Variants in IQSEC3 observed in about 807,000 individuals in gnomAD.
The protein encoded by IQSEC3 is IQ motif and Sec7 domain ArfGEF 3, also known as IQ motif and SEC7 domain-containing protein 3.
In IQSEC3, 50 loss-of-function variants were observed where a neutral mutation model predicts 105.4. The observed-to-expected ratio is 0.47, with a 90% confidence interval of 0.38 to 0.60. IQSEC3 has a LOEUF of 0.60. Ranked by LOEUF, IQSEC3 falls within the 20% of genes least tolerant of loss-of-function variation. The pLI is 0.00. For synonymous variants in IQSEC3, 708 were observed against 746.0 expected (o/e 0.95, Z 0.83); for missense variants, 1,415 against 1,630.0 (o/e 0.87, Z 2.27).
Position 176,029 on chromosome 12 carries a change from GTGGCCTC to G in IQSEC3, c.*997_*1003del, listed in dbSNP as rs1322485526. ...GCAGGGCTCCCTCCTGCATGAGTCT[GTGGCCTC>G]CAGGAGGGACTTGGGTGCAGATGTA... On this transcript the variant is annotated 3_prime_UTR_variant, in exon 14 of 14. Transcript: ENST00000538872. The surrounding 1 kb of genome is among the most constrained non-coding windows in gnomAD (Gnocchi z 4.0). 5 of 152,234 alleles carry G rather than the reference GTGGCCTC, an allele frequency of 3.3e-5. No homozygotes were observed. Among genetic ancestry groups the G allele is most frequent in the African/African-American group, 1.2e-4 (5 of 41,440 alleles). The allele number at this position is 152,234 out of a possible 1,614,324, so 9.4% of individuals were successfully genotyped here. A position where few individuals can be genotyped will look rare whatever the true frequency, so the allele number is the denominator to read the frequency against.
intron 1 of IQSEC3, among the ~76,000 whole-genome samples, chr12:69,608 C>A (rs1863231219): frequency 6.6e-6 from 1 of 152,282 alleles, no homozygotes; most frequent in Admixed American, 6.5e-5. Context: ...CTCCCCAATC[C>A]TGCACACTCA....
At chr12:142,904 C>G (rs556864797) in intron 5 of IQSEC3, among the ~76,000 whole-genome samples, 1 of 152,200 alleles carries the variant, frequency 6.6e-6, no homozygotes, top group African/African-American at 2.4e-5. Flanking sequence ...GTGCTGGCCC[C>G]GTAGCCCCAG....
At position 175,269 on chromosome 12, in the gene IQSEC3, A is replaced by C; in HGVS notation, c.*236A>C. ...ACACCTCACTCTCCCAGGGCCCTACACAGCCAGACCCGGCGAGGCCTCCTC... is the reference window on the plus strand; with the variant it reads ...ACACCTCACTCTCCCAGGGCCCTACCCAGCCAGACCCGGCGAGGCCTCCTC... On this transcript the variant is annotated 3_prime_UTR_variant, in exon 14 of 14. Transcript: ENST00000538872. The C allele has an allele frequency of 6.4e-6, 3 of 466,728 alleles. No homozygotes were observed. The highest frequency in any genetic ancestry group is 7.5e-6 in the Non-Finnish European group (2 of 265,860). The allele number at this position is 466,728 out of a possible 1,614,324, so 28.9% of individuals were successfully genotyped here.
intron 1 of IQSEC3, among the ~76,000 whole-genome samples, chr12:76,158 C>T (rs3894704): frequency 5.5e-4 from 83 of 151,846 alleles, no homozygotes; most frequent in African/African-American, 1.9e-3. Context: ...GAGTGAGAAA[C>T]GGGCAATGGG....
At chr12:147,299 A>T (rs1866316175) in intron 5 of IQSEC3, among the ~76,000 whole-genome samples, 1 of 152,208 alleles carries the variant, frequency 6.6e-6, no homozygotes, top group African/African-American at 2.4e-5. Flanking sequence ...ATGCCAGCTC[A>T]CACAGATCAG....
intron 5 of IQSEC3, among the ~76,000 whole-genome samples, chr12:147,350 A>G (rs1469858566): frequency 6.6e-6 from 1 of 152,220 alleles, no homozygotes; most frequent in Non-Finnish European, 1.5e-5. Context: ...AGAGGCTTAC[A>G]TGCAAAACCT....
intron 5 of IQSEC3, among the ~76,000 whole-genome samples, chr12:151,752 C>T (rs1228396871): frequency 6.6e-6 from 1 of 152,142 alleles, no homozygotes; most frequent in Non-Finnish European, 1.5e-5. Context: ...TTACTGTCTG[C>T]ACTGCAACCT....
At chr12:141,668 G>A (rs1866034447) in intron 5 of IQSEC3, 1 of 220,042 alleles carries the variant, frequency 4.5e-6, no homozygotes, top group African/African-American at 2.3e-5. Flanking sequence ...CCTCCCCCAG[G>A]ACCCTCCCAT....
intron 1 of IQSEC3, among the ~76,000 whole-genome samples, chr12:73,037 C>G (rs1477376679): frequency 7.5e-6 from 1 of 132,512 alleles, no homozygotes; most frequent in African/African-American, 2.9e-5. Context: ...CAGAGCGACA[C>G]TCTGCCTAAA....
intron 1 of IQSEC3, among the ~76,000 whole-genome samples, chr12:83,057 G>A (rs1863798276): frequency 6.6e-6 from 1 of 152,138 alleles, no homozygotes; most frequent in South Asian, 2.1e-4. Context: ...ACTTATCGTC[G>A]CATACACCAG....
rs2137078393 is a variant in IQSEC3 at position 175,461 on chromosome 12, C to T, written c.*428C>T. On this transcript the variant is annotated 3_prime_UTR_variant, in exon 14 of 14. Transcript: ENST00000538872. ...GTGGAGCACTAGACAGAGTGGCTGG[C>T]TCGCAGCCCAGAACTAGTGCCTCTG... 6.0e-6 allele frequency: 1 copy of T among 165,756 alleles called. No homozygotes were observed. Among genetic ancestry groups the T allele is most frequent in the East Asian group, 1.8e-4 (1 of 5,702 alleles). 10.3% of individuals were successfully genotyped at this position (165,756 alleles called of 1,614,324 possible).
intron 1 of IQSEC3, among the ~76,000 whole-genome samples, chr12:92,041 T>G (rs1864103500): frequency 6.6e-6 from 1 of 152,050 alleles, no homozygotes; most frequent in African/African-American, 2.4e-5. Context: ...CCCCAACACA[T>G]AAAAACCTCA....
At position 175,310 on chromosome 12, in the gene IQSEC3, C is replaced by A. The variant is rs1023466048; in HGVS notation, c.*277C>A. 6.3e-4 allele frequency: 279 copies of A among 440,944 alleles called. No individual in the cohort carries two copies. The highest frequency in any genetic ancestry group is 6.0e-4 in the Non-Finnish European group (150 of 249,614). 27.3% of individuals were successfully genotyped at this position (440,944 alleles called of 1,614,324 possible). A position where few individuals can be genotyped will look rare whatever the true frequency, so the allele number is the denominator to read the frequency against. On this transcript the variant is annotated 3_prime_UTR_variant, in exon 14 of 14. Transcript: ENST00000538872. Reference sequence around the variant, plus strand: ...AGGCCTCCTCTTCCCCTGGCCACCACTTTCCCCCATTGGACCATGGACTGA... The same window carrying A: ...AGGCCTCCTCTTCCCCTGGCCACCAATTTCCCCCATTGGACCATGGACTGA...
At chr12:116,767 C>A (rs1591673526) in intron 2 of IQSEC3, among the ~76,000 whole-genome samples, 1 of 152,166 alleles carries the variant, frequency 6.6e-6, no homozygotes. Context: ...CTGAGGCTCC[C>A]ACGAGGATGG....
At chr12:156,622 A>C (rs1866696296) in intron 5 of IQSEC3, among the ~76,000 whole-genome samples, 2 of 152,216 alleles carry the variant, frequency 1.3e-5, no homozygotes, top group Non-Finnish European at 2.9e-5. Context: ...GAGAAAGTGA[A>C]ATTTAAACCT....
At position 139,103 on chromosome 12, in the gene IQSEC3, G is replaced by A. The variant is rs538760662; in HGVS notation, c.1740G>A (p.Thr580=). 3 of 1,502,964 alleles carry A rather than the reference G, an allele frequency of 2.0e-6. No individual in the cohort carries two copies. The highest frequency in any genetic ancestry group is 1.4e-5 in the African/African-American group (1 of 71,990). The allele number at this position is 1,502,964 out of a possible 1,614,324, so 93.1% of individuals were successfully genotyped here. A position where few individuals can be genotyped will look rare whatever the true frequency, so the allele number is the denominator to read the frequency against. ...AGGAGGAAGAGGAGGAGGAGGAGAC[G>A]GCGGAGGTGGGGAGAGGGGCCGAGG... ...KTEEEEEEEE[T]AEVGRGAEAE... The change falls in exon 4 of 14, where the codon ACG becomes ACA. Residue 580 remains threonine, a synonymous_variant. Coordinates refer to ENST00000538872, the MANE Select transcript of IQSEC3 (RefSeq NM_001170738.2).
intron 1 of IQSEC3, among the ~76,000 whole-genome samples, chr12:83,918 A>G (rs1555071371): frequency 6.6e-6 from 1 of 152,056 alleles, no homozygotes; most frequent in Non-Finnish European, 1.5e-5. Context: ...TTGTTATCTC[A>G]TTTATCCACA....
intron 13 of IQSEC3, among the ~76,000 whole-genome samples, chr12:173,154 T>A (rs216228): frequency 6.6e-6 from 1 of 152,134 alleles, no homozygotes; most frequent in Non-Finnish European, 1.5e-5. Flanking sequence ...TGAGTGAGGG[T>A]CCTGGAGGGA....
intron 3 of IQSEC3, among the ~76,000 whole-genome samples, chr12:129,893 G>A (rs1865533278): frequency 6.6e-6 from 1 of 152,150 alleles, no homozygotes; most frequent in South Asian, 2.1e-4. Context: ...AGGAAGATGT[G>A]GTGGCTATGT....
Sources: gnomAD v4.1 joint callset for allele counts (sites outside exome capture counted in the v4.1 genomes callset) on GRCh38, gnomAD v4.1.1 for gene constraint, Gnocchi (gnomAD v3.1) non-coding constraint, MANE v1.5 for transcripts, NCBI Gene and HGNC (gene_info 2026-07-23, HGNC 2026-07-21) for gene names.